Variants in RGS6 observed in about 807,000 individuals in gnomAD.
RGS6 encodes the protein regulator of G-protein signaling 6.
In RGS6, 30 loss-of-function variants were observed where a neutral mutation model predicts 78.5. The ratio of observed to expected loss-of-function variants is 0.38; its 90% confidence interval spans 0.29 to 0.52. RGS6 has a LOEUF of 0.52. Ranked by LOEUF, RGS6 falls within the 20% of genes least tolerant of loss-of-function variation. RGS6 has a pLI of 0.85. For synonymous variants in RGS6, 206 were observed against 206.0 expected, an observed-to-expected ratio of 1.00 and a Z score of 0.00; for missense variants, 495 against 609.7, an observed-to-expected ratio of 0.81 and a Z score of 1.98.
intron 2 of RGS6, among the ~76,000 whole-genome samples, chr14:72,127,514 ACACG>A (rs2096225421): frequency 6.6e-6 from 1 of 152,214 alleles, no homozygotes; most frequent in Non-Finnish European, 1.5e-5. Context: ...TTCTAAGAGA[ACACG>A]TTACTGATTT....
At chr14:72,015,471 G>A (rs1363296184) in intron 2 of RGS6, among the ~76,000 whole-genome samples, 2 of 152,146 alleles carry the variant, frequency 1.3e-5, no homozygotes, top group Admixed American at 6.5e-5. Context: ...CAGTATATAC[G>A]AATAAATCAA....
At position 72,542,113 on chromosome 14, in the gene RGS6, A is replaced by AAAAAAAAAAC. The variant is rs375561739; in HGVS notation, c.1422+2019_1422+2020insAAAAAAAAAC. On this transcript the variant is annotated intron_variant, in intron 17 of 17. Coordinates refer to ENST00000553525, the MANE Select transcript of RGS6 (RefSeq NM_001204424.2). ...TAAAAGGCCCAAACTATTAAAAAAA[A>AAAAAAAAAAC]CTAAATTCCTAAATTCCCTGCTATT... Among the ~76,000 whole-genome samples, 754 of 152,174 alleles carry AAAAAAAAAAC rather than the reference A, an allele frequency of 5.0e-3. 7 individuals are homozygous for AAAAAAAAAAC. Among genetic ancestry groups the AAAAAAAAAAC allele is most frequent in the African/African-American group, 0.017 (693 of 41,470 alleles).
chr14:72,024,369 A>G (rs2089396534), intron 2 of RGS6, among the ~76,000 whole-genome samples: 1 of 152,182 alleles, frequency 6.6e-6, no homozygotes, highest in Admixed American at 6.5e-5. Flanking sequence ...ACTTGAGTCA[A>G]GGTCAAGTAA....
chr14:72,404,105 G>C (rs146592746), intron 3 of RGS6, among the ~76,000 whole-genome samples: 1 of 152,170 alleles, frequency 6.6e-6, no homozygotes, highest in Non-Finnish European at 1.5e-5. Context: ...AGTGTTGCTC[G>C]CATGGCATGA....
At chr14:72,293,395 C>T (rs1159680768) in intron 2 of RGS6, among the ~76,000 whole-genome samples, 1 of 152,172 alleles carries the variant, frequency 6.6e-6, no homozygotes, top group Non-Finnish European at 1.5e-5. Context: ...GCAGGATGTT[C>T]TTCAAATTGT....
intron 4 of RGS6, among the ~76,000 whole-genome samples, chr14:72,457,470 T>C (rs2095661165): frequency 6.6e-6 from 1 of 152,208 alleles, no homozygotes; most frequent in East Asian, 1.9e-4. Flanking sequence ...TCTTAACTTT[T>C]TTTTTTTTAA....
At chr14:71,983,077 A>AACTAACGG (rs2094536755) in intron 2 of RGS6, among the ~76,000 whole-genome samples, 1 of 152,214 alleles carries the variant, frequency 6.6e-6, no homozygotes, top group African/African-American at 2.4e-5. Flanking sequence ...ACCCGTTATT[A>AACTAACGG]GTTTTAGATG....
chr14:72,538,541 C>A (rs1332611524), intron 16 of RGS6, among the ~76,000 whole-genome samples: 1 of 152,184 alleles, frequency 6.6e-6, no homozygotes, highest in Non-Finnish European at 1.5e-5. Flanking sequence ...GTGAGCCAGA[C>A]CAATGGCCAC....
chr14:72,045,541 T>C (rs1198341252), intron 2 of RGS6, among the ~76,000 whole-genome samples: 1 of 152,176 alleles, frequency 6.6e-6, no homozygotes, highest in Non-Finnish European at 1.5e-5. Flanking sequence ...GCAGCTCTTT[T>C]AGACGTAATC....
At chr14:71,890,252 G>C in the RGS6 span, among the ~76,000 whole-genome samples, 1 of 152,134 alleles carries the variant, frequency 6.6e-6, no homozygotes, top group Non-Finnish European at 1.5e-5. Context: ...CTACGTGGAA[G>C]GTAAAATCAG....
At chr14:71,888,022 C>T in the RGS6 span, among the ~76,000 whole-genome samples, 95 of 152,270 alleles carry the variant, frequency 6.2e-4, no homozygotes, top group African/African-American at 1.0e-3. Context: ...ACGTCACCCC[C>T]GGCGGCCCAG....
chr14:72,128,814 T>C (rs1194679360), intron 2 of RGS6, among the ~76,000 whole-genome samples: 1 of 152,178 alleles, frequency 6.6e-6, no homozygotes, highest in Non-Finnish European at 1.5e-5. Context: ...CGTATGCGTG[T>C]GCATCTTCTC....
chr14:72,034,733 AGTG>A (rs1218034386), intron 2 of RGS6, among the ~76,000 whole-genome samples: 2 of 152,150 alleles, frequency 1.3e-5, no homozygotes, highest in African/African-American at 4.8e-5. Flanking sequence ...TTTGAGAAGA[AGTG>A]GTGCCAATTC....
rs58717636 is a variant in RGS6, at chr14:72,342,725, C to CAA, written c.85-9346_85-9345dup. Among the ~76,000 whole-genome samples the CAA allele has an allele frequency of 3.8e-3, 269 of 71,122 alleles. 1 individual carries two copies. The highest frequency in any genetic ancestry group is 5.1e-3 in the Non-Finnish European group (203 of 40,032). 46.7% of individuals were successfully genotyped at this position (71,122 alleles called of 152,430 possible). On this transcript the variant is annotated intron_variant, in intron 2 of 17. Coordinates refer to ENST00000553525, the MANE Select transcript of RGS6 (RefSeq NM_001204424.2). ...AGCCTGTGCAACAGAGGCTTTGTCTCAAAAAAAAAAAAAAAAAAAAAAAAA... is the reference window on the plus strand; with the variant it reads ...AGCCTGTGCAACAGAGGCTTTGTCTCAAAAAAAAAAAAAAAAAAAAAAAAAAA...
chr14:72,330,590 A>C (rs1595883626), intron 2 of RGS6, among the ~76,000 whole-genome samples: 1 of 152,250 alleles, frequency 6.6e-6, no homozygotes, highest in East Asian at 1.9e-4. Flanking sequence ...TGATTCCTCC[A>C]AAAGGGCATT....
chr14:72,185,552 A>G, intron 2 of RGS6, among the ~76,000 whole-genome samples: 1 of 152,252 alleles, frequency 6.6e-6, no homozygotes, highest in Non-Finnish European at 1.5e-5. Flanking sequence ...AATGAAGGAT[A>G]GAATGTGGTT....
intron 2 of RGS6, among the ~76,000 whole-genome samples, chr14:72,239,853 C>T (rs1469484913): frequency 6.6e-6 from 1 of 152,204 alleles, no homozygotes; most frequent in Non-Finnish European, 1.5e-5. Context: ...AATTAATGAA[C>T]TATCTGTTGC....
chr14:72,558,762 T>A (rs1165813043), intron 17 of RGS6, among the ~76,000 whole-genome samples: 6 of 152,158 alleles, frequency 3.9e-5, no homozygotes, highest in African/African-American at 1.2e-4. Context: ...TTCTACTGGA[T>A]TACACTTTGC....
the RGS6 span, among the ~76,000 whole-genome samples, chr14:72,599,205 A>G: frequency 1.3e-5 from 2 of 152,096 alleles, no homozygotes; most frequent in African/African-American, 4.8e-5. Flanking sequence ...CTACTCAGTA[A>G]AAGTGGTGCT....
Sources: allele counts gnomAD v4.1 joint callset (sites outside exome capture counted in the v4.1 genomes callset), GRCh38; gene constraint gnomAD v4.1.1; transcripts MANE v1.5; gene names NCBI Gene and HGNC (gene_info 2026-07-23, HGNC 2026-07-21).